The following VPS13D variants were observed in gnomAD, a reference collection of about 807,000 sequenced individuals.
VPS13D encodes the protein vacuolar protein sorting 13 homolog D, also known as intermembrane lipid transfer protein VPS13D.
VPS13D carries 187 observed loss-of-function variants against 461.9 expected under a neutral mutation model. The ratio of observed to expected loss-of-function variants is 0.40; its 90% confidence interval spans 0.36 to 0.46. VPS13D has a LOEUF of 0.46. Ranked by LOEUF, VPS13D falls within the 20% of genes least tolerant of loss-of-function variation. The probability of loss-of-function intolerance (pLI) is 0.60; values close to 1 mark genes in which losing one functional copy is unlikely to be tolerated. For synonymous variants in VPS13D, 1,951 were observed against 1,986.3 expected, an observed-to-expected ratio of 0.98 and a Z score of 0.47; for missense variants, 4,711 against 5,364.9, an observed-to-expected ratio of 0.88 and a Z score of 3.81.
intron 65 of VPS13D, among the ~76,000 whole-genome samples, chr1:12,435,700 A>G (rs919067827): frequency 3.3e-5 from 5 of 151,648 alleles, no homozygotes; most frequent in African/African-American, 9.7e-5. Context: ...TACCAGTGCA[A>G]AAGCAGCACT....
rs753751973 is a variant in VPS13D at position 12,506,811 on chromosome 1, A to G, written c.12795-42A>G. The stretch of plus-strand genomic sequence containing the variant: ...GTGGGCCTCCCCCTGATGCTGGGCG[A>G]AGCCCCAGGTGTCACTCCTGTGTTC... On this transcript the variant is annotated intron_variant, in intron 68 of 69. Coordinates refer to ENST00000620676, the MANE Select transcript of VPS13D (RefSeq NM_015378.4). 3.8e-6 allele frequency: 6 copies of G among 1,596,720 alleles called. No individual in the cohort carries two copies. In the East Asian group the frequency reaches 1.1e-4, roughly 30 times the overall value.
intron 38 of VPS13D, 104 bp downstream of exon 38, chr1:12,333,470 G>A (rs1375612197): frequency 7.1e-7 from 1 of 1,406,320 alleles, no homozygotes; most frequent in Non-Finnish European, 9.7e-7. Flanking sequence ...GCCTGTACCA[G>A]GCATCACTTC....
chr1:12,231,213 G>T (rs1436864981), intron 1 of VPS13D, among the ~76,000 whole-genome samples: 1 of 152,222 alleles, frequency 6.6e-6, no homozygotes, highest in Non-Finnish European at 1.5e-5. Context: ...GTTAGTGCCA[G>T]TGCCAGGCAG....
chr1:12,457,936 T>C (rs954647812), intron 66 of VPS13D, among the ~76,000 whole-genome samples: 1 of 152,240 alleles, frequency 6.6e-6, no homozygotes, highest in Non-Finnish European at 1.5e-5. Context: ...CATTGGACTC[T>C]TAGAAGACTT....
intron 50 of VPS13D, 147 bp downstream of exon 50, chr1:12,358,748 C>A: frequency 9.7e-7 from 1 of 1,033,056 alleles, no homozygotes; most frequent in Non-Finnish European, 1.4e-6. Context: ...TCTCTGAATG[C>A]TACAGTGATA....
chr1:12,328,248 C>A (rs1643241559), intron 36 of VPS13D, among the ~76,000 whole-genome samples: 1 of 152,182 alleles, frequency 6.6e-6, no homozygotes, highest in East Asian at 1.9e-4. Context: ...AAGAATCTTA[C>A]TAGAAAGTGC....
chr1:12,400,420 G>T, intron 61 of VPS13D, 90 bp downstream of exon 61: 2 of 1,482,924 alleles, frequency 1.3e-6, no homozygotes, highest in Non-Finnish European at 9.2e-7. Flanking sequence ...GCAGTGCCGG[G>T]TGCTGATGGG....
At chr1:12,360,082 C>T (rs913987559) in intron 50 of VPS13D, among the ~76,000 whole-genome samples, 8 of 152,174 alleles carry the variant, frequency 5.3e-5, no homozygotes, top group Non-Finnish European at 7.3e-5. Context: ...CAGACATATG[C>T]AGTGATTACC....
chr1:12,236,805 C>T (rs970520620), intron 2 of VPS13D, among the ~76,000 whole-genome samples: 6 of 152,228 alleles, frequency 3.9e-5, no homozygotes, highest in Admixed American at 2.0e-4. Flanking sequence ...GTTTGAATCC[C>T]AGTTCTTCCA....
intron 65 of VPS13D, among the ~76,000 whole-genome samples, chr1:12,418,784 A>G (rs1004988839): frequency 2.0e-5 from 3 of 152,212 alleles, no homozygotes; most frequent in Admixed American, 2.0e-4. Context: ...AAACCAATCT[A>G]TTATGAACTA....
At chr1:12,437,987 A>G (rs1645082576) in intron 65 of VPS13D, among the ~76,000 whole-genome samples, 1 of 152,140 alleles carries the variant, frequency 6.6e-6, no homozygotes, top group Non-Finnish European at 1.5e-5. Flanking sequence ...AAACCTGGGA[A>G]AATATCAGTC....
intron 65 of VPS13D, among the ~76,000 whole-genome samples, chr1:12,439,184 G>A (rs904130369): frequency 3.3e-5 from 5 of 151,950 alleles, no homozygotes; most frequent in Non-Finnish European, 5.9e-5. Context: ...GCAACCTCAC[G>A]AAGCCCACGA....
chr1:12,457,754 T>C (rs1336136133), intron 66 of VPS13D, among the ~76,000 whole-genome samples: 2 of 152,230 alleles, frequency 1.3e-5, no homozygotes, highest in Non-Finnish European at 2.9e-5. Context: ...TCAAAATGCC[T>C]TTGCTTTTCC....
At chr1:12,259,898 A>C (rs972954803) in intron 10 of VPS13D, among the ~76,000 whole-genome samples, 1 of 152,190 alleles carries the variant, frequency 6.6e-6, no homozygotes, top group African/African-American at 2.4e-5. Context: ...GGTTTCAGGA[A>C]GAGCGATAAC....
At chr1:12,449,267 C>T (rs1220504600) in intron 65 of VPS13D, among the ~76,000 whole-genome samples, 2 of 151,984 alleles carry the variant, frequency 1.3e-5, no homozygotes, top group Non-Finnish European at 2.9e-5. Flanking sequence ...TTCTCTTTGC[C>T]TTAAGGGCTA....
chr1:12,457,478 C>T (rs1242365701), intron 66 of VPS13D, among the ~76,000 whole-genome samples: 1 of 152,194 alleles, frequency 6.6e-6, no homozygotes, highest in Non-Finnish European at 1.5e-5. Context: ...GACCACTTTG[C>T]ATTCACCTTT....
chr1:12,342,908 C>T lies in VPS13D; in HGVS notation c.8742C>T (p.Leu2914=). 1 of 1,611,288 alleles carries T rather than the reference C, an allele frequency of 6.2e-7. No homozygotes were observed. Among genetic ancestry groups the T allele is most frequent in the Non-Finnish European group, 8.5e-7 (1 of 1,177,896 alleles). Residue 2914 remains leucine, a synonymous_variant, in exon 42 of 70, where the codon CTC becomes CTT. Transcript: ENST00000620676. ...TLTTTPTRAA[L]SHSGSPGVVP... The stretch of plus-strand genomic sequence containing the variant: ...TCTGATTTGGTTCCAGAGCTGCACT[C>T]TCTCACAGTGGGAGTCCAGGGGTAG...
chr1:12,260,346 CTG>C (rs1219919414), intron 10 of VPS13D, among the ~76,000 whole-genome samples: 2 of 152,148 alleles, frequency 1.3e-5, no homozygotes, highest in South Asian at 2.1e-4. Flanking sequence ...ACTCTTAAAA[CTG>C]AGTACTGCTG....
At chr1:12,248,993 TAACAA>T (rs1640646753) in intron 5 of VPS13D, among the ~76,000 whole-genome samples, 2 of 152,142 alleles carry the variant, frequency 1.3e-5, no homozygotes, top group Admixed American at 6.6e-5. Context: ...TAACATAACA[TAACAA>T]GAGAGTTATT....
Sources: allele counts gnomAD v4.1 joint callset (sites outside exome capture counted in the v4.1 genomes callset), GRCh38; gene constraint gnomAD v4.1.1; transcripts MANE v1.5; gene names NCBI Gene and HGNC (gene_info 2026-07-23, HGNC 2026-07-21).